FOXP1: variants seen among roughly 807,000 people sequenced by gnomAD.
The protein encoded by FOXP1 is forkhead box P1, also known as forkhead box protein P1.
A neutral mutation model predicts 98.2 loss-of-function variants in FOXP1; 15 were observed. That is an observed-to-expected ratio of 0.15 (90% CI 0.10 to 0.24). The LOEUF is 0.24. Ranked by LOEUF, FOXP1 falls within the 10% of genes least tolerant of loss-of-function variation. The pLI is 1.00. For missense variants in FOXP1, 633 were observed against 848.5 expected (o/e 0.75, Z 3.15); for synonymous variants, 371 against 314.5 (o/e 1.18, Z -1.90).
chr3:71,284,441 G>A (rs2071894120), intron 5 of FOXP1, among the ~76,000 whole-genome samples: 1 of 152,074 alleles, frequency 6.6e-6, no homozygotes, highest in Non-Finnish European at 1.5e-5. Flanking sequence ...GTGTGCAACT[G>A]AAGTCTAAGC....
rs551993364 is a variant in FOXP1 at position 71,389,068 on chromosome 3, C to CA, written c.-167-29825dup. 4.6e-5 allele frequency among the ~76,000 whole-genome samples: 7 copies of CA among 151,196 alleles called. 1 individual carries two copies. The highest frequency in any genetic ancestry group is 1.0e-4 in the Non-Finnish European group (7 of 67,770). ...CTATCATTAGAAATTTTTAAATAAC[C>CA]AAAAAAAATTTAGTATTTGTGTACT... On this transcript the variant is annotated intron_variant, in intron 3 of 20. Transcript: ENST00000649528.
chr3:71,053,212 C>G (rs1029892223), intron 8 of FOXP1, among the ~76,000 whole-genome samples: 1 of 152,120 alleles, frequency 6.6e-6, no homozygotes, highest in Non-Finnish European at 1.5e-5. Context: ...TTAGCAAATT[C>G]TAGAATGCTT....
At chr3:70,967,631 C>A (rs1281558587) in intron 19 of FOXP1, among the ~76,000 whole-genome samples, 1 of 103,424 alleles carries the variant, frequency 9.7e-6, no homozygotes, top group Non-Finnish European at 2.0e-5. Context: ...AGCTTTTTTT[C>A]TTTCTTTCTT....
intron 2 of FOXP1, among the ~76,000 whole-genome samples, chr3:71,535,280 A>G (rs1259016986): frequency 2.0e-5 from 3 of 152,146 alleles, no homozygotes; most frequent in Admixed American, 6.5e-5. Flanking sequence ...CCTGACCTTC[A>G]GGTAAGATGT....
chr3:71,576,319 T>G (rs1046148169), intron 2 of FOXP1, among the ~76,000 whole-genome samples: 2 of 152,182 alleles, frequency 1.3e-5, no homozygotes, highest in Non-Finnish European at 2.9e-5. Flanking sequence ...TGTGTATGTA[T>G]TCATATTCCT....
rs376887775 is a variant in FOXP1 at position 71,434,631 on chromosome 3, G to GTTGT, written c.-168+58794_-168+58795insACAA. On this transcript the variant is annotated intron_variant, in intron 3 of 20. Transcript: ENST00000649528. ...CACGGTGACCCTCATGAGGGGATGG[G>GTTGT]GTGTGTGTGTGTGTGTGTGTGTGTG... Among the ~76,000 whole-genome samples, 533 of 142,342 alleles carry GTTGT rather than the reference G, an allele frequency of 3.7e-3. 3 individuals carry two copies. Among genetic ancestry groups the GTTGT allele is most frequent in the African/African-American group, 0.013 (478 of 37,898 alleles). The allele number at this position is 142,342 out of a possible 152,430, so 93.4% of individuals were successfully genotyped here. A position where few individuals can be genotyped will look rare whatever the true frequency, so the allele number is the denominator to read the frequency against.
intron 5 of FOXP1, among the ~76,000 whole-genome samples, chr3:71,223,435 C>A (rs1223045999): frequency 2.0e-5 from 3 of 152,060 alleles, no homozygotes; most frequent in East Asian, 3.9e-4. Flanking sequence ...GTGGCTCATG[C>A]CTGTAATCCC....
chr3:71,338,561 G>C (rs2076824344), intron 4 of FOXP1, among the ~76,000 whole-genome samples: 1 of 152,104 alleles, frequency 6.6e-6, no homozygotes, highest in South Asian at 2.1e-4. Flanking sequence ...CCAAGTAGCT[G>C]GGACTACAGG....
chr3:71,170,622 A>G (rs2061603892), intron 6 of FOXP1, among the ~76,000 whole-genome samples: 1 of 152,188 alleles, frequency 6.6e-6, no homozygotes, highest in African/African-American at 2.4e-5. Context: ...TCTTTTGACT[A>G]TAGGATGTTT....
At chr3:71,094,283 T>TC (rs2056232765) in intron 7 of FOXP1, among the ~76,000 whole-genome samples, 1 of 145,386 alleles carries the variant, frequency 6.9e-6, no homozygotes, top group African/African-American at 2.6e-5. Context: ...CTTTTCTTTT[T>TC]TTTTTTTTTT....
Position 70,956,320 on chromosome 3 carries a change from T to A in FOXP1, c.*2927A>T, listed in dbSNP as rs1228645515. On this transcript the variant is annotated 3_prime_UTR_variant, in exon 21 of 21. Coordinates refer to ENST00000649528, the MANE Select transcript of FOXP1 (RefSeq NM_001349338.3). Reference sequence around the variant, plus strand: ...AGAATCAGAATTGTAAAAATCATAGTGAAGTTTGCTTGCTGTAAAGCCTGA... The same window carrying A: ...AGAATCAGAATTGTAAAAATCATAGAGAAGTTTGCTTGCTGTAAAGCCTGA... The A allele has an allele frequency of 1.3e-5, 3 of 233,178 alleles. No homozygotes were observed. The highest frequency in any genetic ancestry group is 2.5e-5 in the Non-Finnish European group (3 of 117,864). The allele number at this position is 233,178 out of a possible 1,614,324, so 14.4% of individuals were successfully genotyped here.
intron 4 of FOXP1, among the ~76,000 whole-genome samples, chr3:71,347,321 A>C (rs2077427535): frequency 6.6e-6 from 1 of 152,168 alleles, no homozygotes; most frequent in African/African-American, 2.4e-5. Context: ...ACCTGCTCCA[A>C]AATGAAAGTC....
At chr3:71,361,316 T>C (rs1577131580) in intron 3 of FOXP1, among the ~76,000 whole-genome samples, 1 of 152,100 alleles carries the variant, frequency 6.6e-6, no homozygotes, top group African/African-American at 2.4e-5. Context: ...GCCTTTTAGA[T>C]TCTACATTTC....
chr3:71,016,656 A>AC (rs2044534734), intron 11 of FOXP1, among the ~76,000 whole-genome samples: 1 of 146,148 alleles, frequency 6.8e-6, no homozygotes, highest in African/African-American at 2.5e-5. Context: ...TGATTACAAG[A>AC]ACACACACAC....
chr3:70,982,734 CAGTA>C (rs2039074496), intron 14 of FOXP1, among the ~76,000 whole-genome samples: 1 of 151,210 alleles, frequency 6.6e-6, no homozygotes, highest in Non-Finnish European at 1.5e-5. Context: ...TAGTTTTTAA[CAGTA>C]ATCTCCCCTC....
At chr3:71,016,863 G>A (rs2044571588) in intron 11 of FOXP1, among the ~76,000 whole-genome samples, 1 of 151,756 alleles carries the variant, frequency 6.6e-6, no homozygotes, top group South Asian at 2.1e-4. Flanking sequence ...AGCATAAAAA[G>A]TAAACACACA....
intron 6 of FOXP1, among the ~76,000 whole-genome samples, chr3:71,137,264 T>G (rs560510665): frequency 2.2e-4 from 33 of 152,308 alleles, no homozygotes; most frequent in African/African-American, 7.9e-4. Context: ...GCTTTCAAAC[T>G]GACACTTTGC....
chr3:71,106,968 C>T (rs1187158411), intron 7 of FOXP1, among the ~76,000 whole-genome samples: 2 of 151,950 alleles, frequency 1.3e-5, no homozygotes, highest in Admixed American at 1.3e-4. Flanking sequence ...GGGGTTTTGC[C>T]ATGTTGCCCA....
At chr3:71,489,123 C>T (rs1008195434) in intron 3 of FOXP1, among the ~76,000 whole-genome samples, 22 of 152,084 alleles carry the variant, frequency 1.4e-4, no homozygotes, top group Non-Finnish European at 7.4e-5. Context: ...ACCCCAAAAC[C>T]GGTCACGGAA....
Sources: allele counts gnomAD v4.1 joint callset (sites outside exome capture counted in the v4.1 genomes callset), GRCh38; gene constraint gnomAD v4.1.1; transcripts MANE v1.5; gene names NCBI Gene and HGNC (gene_info 2026-07-23, HGNC 2026-07-21).